The following CDCA2 variants were observed in gnomAD, a reference collection of about 807,000 sequenced individuals.
CDCA2 encodes the protein cell division cycle associated 2.
A neutral mutation model predicts 67.0 loss-of-function variants in CDCA2; 44 were observed. That is an observed-to-expected ratio of 0.66 (90% confidence interval 0.52 to 0.84). CDCA2 has a LOEUF of 0.84. Ranked by LOEUF, CDCA2 falls within the 40% of genes least tolerant of loss-of-function variation. The pLI is 0.00. For synonymous variants in CDCA2, 447 were observed against 418.7 expected, an observed-to-expected ratio of 1.07 and a Z score of -0.82; for missense variants, 1,253 against 1,203.2, an observed-to-expected ratio of 1.04 and a Z score of -0.61.
At position 25,468,207 on chromosome 8, in the gene CDCA2, G is replaced by A; in HGVS notation, c.539-10G>A. 1.4e-6 allele frequency: 2 copies of A among 1,456,318 alleles called. No individual in the cohort carries two copies. Among genetic ancestry groups the A allele is most frequent in the Non-Finnish European group, 1.8e-6 (2 of 1,088,248 alleles). 90.2% of individuals were successfully genotyped at this position (1,456,318 alleles called of 1,614,324 possible). On this transcript the variant is annotated splice_polypyrimidine_tract_variant and intron_variant, in intron 5 of 14. Coordinates refer to ENST00000330560, the MANE Select transcript of CDCA2 (RefSeq NM_152562.4). ...GCCTGTGTCGTTTTGTTTTTATTTT[G>A]TGTTTATAGCCAGAAAGGAAGGTCT...
Position 25,479,924 on chromosome 8 carries a change from G to T in CDCA2, c.832G>T (p.Ala278Ser). 6.2e-7 allele frequency: 1 copy of T among 1,614,166 alleles called. No individual in the cohort carries two copies. The highest frequency in any genetic ancestry group is 8.5e-7 in the Non-Finnish European group (1 of 1,180,012). The stretch of plus-strand genomic sequence containing the variant: ...TGTTTATCTTGAAGCACTAAAGGTT[G>T]CTGACTGTGTAGTGGGCAAAGGATC... ...LTETSNALKV[A>S]DCVVGKGSSD... Residue 278 changes from alanine (A) to serine (S), a missense_variant, in exon 8 of 15, where the codon GCT (alanine) becomes TCT (serine). Coordinates refer to ENST00000330560, the MANE Select transcript of CDCA2 (RefSeq NM_152562.4).
chr8:25,494,655 A>G (rs370461067), intron 13 of CDCA2, among the ~76,000 whole-genome samples: 15 of 152,334 alleles, frequency 9.8e-5, no homozygotes, highest in African/African-American at 3.4e-4. Flanking sequence ...AAAACAATAT[A>G]TGTGGTCAAC....
At chr8:25,461,981 C>A in intron 3 of CDCA2, 73 bp from the exon 4 acceptor site, 2 of 1,412,120 alleles carry the variant, frequency 1.4e-6, no homozygotes, top group Non-Finnish European at 2.0e-6. Context: ...CAGGCTGGTA[C>A]ATCACGAGTA....
intron 3 of CDCA2, 148 bp from the exon 4 acceptor site, chr8:25,461,906 G>T (rs562036180): frequency 1.4e-6 from 1 of 691,504 alleles, no homozygotes; most frequent in East Asian, 2.7e-5. Context: ...GATTGTATAT[G>T]AATGACTGTG....
chr8:25,477,371 G>A lies in CDCA2; in HGVS notation c.821-2542G>A, dbSNP rs147731268. Reference sequence around the variant, plus strand: ...CATCCTGACCTTCAAATATTTGAATGCCCCCCCTCGACCTTCATGTTCGGT... The same window carrying A: ...CATCCTGACCTTCAAATATTTGAATACCCCCCCTCGACCTTCATGTTCGGT... On this transcript the variant is annotated intron_variant, in intron 7 of 14. Coordinates refer to ENST00000330560, the MANE Select transcript of CDCA2 (RefSeq NM_152562.4). Among the ~76,000 whole-genome samples the A allele has an allele frequency of 7.4e-4, 113 of 151,982 alleles. No homozygotes were observed. In the East Asian group the frequency reaches 0.021, roughly 29 times the overall value.
chr8:25,464,794 T>A (rs1802834837), intron 4 of CDCA2, among the ~76,000 whole-genome samples: 1 of 152,214 alleles, frequency 6.6e-6, no homozygotes, highest in Non-Finnish European at 1.5e-5. Flanking sequence ...ATAAGCCTTT[T>A]TTGAATATTA....
At chr8:25,470,582 T>C (rs1289516450) in intron 7 of CDCA2, among the ~76,000 whole-genome samples, 1 of 152,210 alleles carries the variant, frequency 6.6e-6, no homozygotes, top group African/African-American at 2.4e-5. Context: ...CTGTAATCTT[T>C]CATAGTCTGG....
chr8:25,507,086 A>G lies in CDCA2; in HGVS notation c.2420A>G (p.Gln807Arg). Reference sequence around the variant, plus strand: ...GAAAATACGAAAGAATCTAAAAGCCAGAGTGAGGATTTGGGAAGAAAACCC... The same window carrying G: ...GAAAATACGAAAGAATCTAAAAGCCGGAGTGAGGATTTGGGAAGAAAACCC... The part of the protein sequence containing the change: ...LIENTKESKS[Q>R]SEDLGRKPME... Residue 807 changes from glutamine (Q) to arginine (R), a missense_variant, in exon 15 of 15, where the codon CAG becomes CGG. Physicochemically the swap from Gln to Arg is conservative, Grantham distance 43. Transcript: ENST00000330560. 1.2e-6 allele frequency: 2 copies of G among 1,614,170 alleles called. No homozygotes were observed. The highest frequency in any genetic ancestry group is 1.1e-5 in the South Asian group (1 of 91,080).
chr8:25,463,134 A>G (rs1249841156), intron 4 of CDCA2, among the ~76,000 whole-genome samples: 3 of 152,050 alleles, frequency 2.0e-5, no homozygotes, highest in Non-Finnish European at 4.4e-5. Flanking sequence ...TGATTTTTTC[A>G]TGACTACTGT....
chr8:25,462,214 A>G lies in CDCA2; in HGVS notation c.387+6A>G. The G allele has an allele frequency of 6.2e-7, 1 of 1,613,380 alleles. No individual in the cohort carries two copies. The highest frequency in any genetic ancestry group is 1.3e-5 in the African/African-American group (1 of 74,956). ...CACAAGATTCTCCTTCCCAGGTATG[A>G]TTTTCTTCTAAGTTCTGTCGTGAAT... On this transcript the variant is annotated splice_donor_region_variant and intron_variant, in intron 4 of 14. Coordinates refer to ENST00000330560, the MANE Select transcript of CDCA2 (RefSeq NM_152562.4).
At chr8:25,471,122 C>T (rs1187052544) in intron 7 of CDCA2, among the ~76,000 whole-genome samples, 1 of 102,328 alleles carries the variant, frequency 9.8e-6, no homozygotes, top group African/African-American at 3.7e-5. Flanking sequence ...TATATTTACC[C>T]AGATGTACCA....
At chr8:25,492,086 A>C (rs1804029265) in intron 13 of CDCA2, among the ~76,000 whole-genome samples, 1 of 150,152 alleles carries the variant, frequency 6.7e-6, no homozygotes, top group Non-Finnish European at 1.5e-5. Context: ...GTGAGCCACC[A>C]CGCCTGGCTG....
In CDCA2 at chr8:25,479,336, G is replaced by A. The variant is rs1047527637; in HGVS notation, c.821-577G>A. On this transcript the variant is annotated intron_variant, in intron 7 of 14. Coordinates refer to ENST00000330560, the MANE Select transcript of CDCA2 (RefSeq NM_152562.4). The stretch of plus-strand genomic sequence containing the variant: ...ATCTTTACTTCTTCAGCACCCAGAG[G>A]AGTGCCTGTCACATCATGTATTTGT... 3.3e-5 allele frequency among the ~76,000 whole-genome samples: 5 copies of A among 152,206 alleles called. No homozygotes were observed. The South Asian group carries it at 6.2e-4, about 19-fold the overall frequency.
chr8:25,475,648 C>G (rs180803623), intron 7 of CDCA2, among the ~76,000 whole-genome samples: 1 of 152,142 alleles, frequency 6.6e-6, no homozygotes, highest in African/African-American at 2.4e-5. Context: ...CTCGACCTGG[C>G]GAAGACCTGA....
chr8:25,506,963 A>G lies in CDCA2; in HGVS notation c.2297A>G (p.Lys766Arg), dbSNP rs768679003. ...GATTTAAACATAAAGTGTGAAAGAA[A>G]GGATGACTTCTTAGGAGCTGCAGAA... ...SPDLNIKCER[K>R]DDFLGAAEGK... Residue 766 changes from lysine (K) to arginine (R), a missense_variant, in exon 15 of 15, where the codon AAG becomes AGG. Physicochemically the swap from Lys to Arg is conservative, Grantham distance 26. Coordinates refer to ENST00000330560, the MANE Select transcript of CDCA2 (RefSeq NM_152562.4). 6.2e-7 allele frequency: 1 copy of G among 1,614,066 alleles called. No homozygotes were observed. The highest frequency in any genetic ancestry group is 8.5e-7 in the Non-Finnish European group (1 of 1,179,948).
intron 12 of CDCA2, 86 bp from the exon 13 acceptor site, chr8:25,488,466 C>T: frequency 7.8e-7 from 1 of 1,284,032 alleles, no homozygotes; most frequent in Non-Finnish European, 1.0e-6. Context: ...TAGAAGCATC[C>T]TGGGAAGCAC....
At chr8:25,496,796 T>C (rs1023357227) in intron 13 of CDCA2, among the ~76,000 whole-genome samples, 10 of 152,154 alleles carry the variant, frequency 6.6e-5, no homozygotes, top group Non-Finnish European at 1.3e-4. Flanking sequence ...TTGTACACTA[T>C]CAATAGGAAT....
At chr8:25,493,615 C>T (rs979612927) in intron 13 of CDCA2, among the ~76,000 whole-genome samples, 1 of 152,180 alleles carries the variant, frequency 6.6e-6, no homozygotes, top group African/African-American at 2.4e-5. Context: ...GATAACAAAA[C>T]ATTTACAAAA....
At chr8:25,480,697 T>C (rs916638490) in intron 8 of CDCA2, among the ~76,000 whole-genome samples, 1 of 152,132 alleles carries the variant, frequency 6.6e-6, no homozygotes, top group African/African-American at 2.4e-5. Flanking sequence ...ACACTTAGGC[T>C]TGTAGGTTGT....
Sources: allele counts gnomAD v4.1 joint callset (sites outside exome capture counted in the v4.1 genomes callset), GRCh38; gene constraint gnomAD v4.1.1; transcripts MANE v1.5; gene names NCBI Gene and HGNC (gene_info 2026-07-23, HGNC 2026-07-21).